The following PRKCA variants were observed in gnomAD, a reference collection of about 807,000 sequenced individuals.
PRKCA encodes protein kinase C alpha type.
A neutral mutation model predicts 87.0 loss-of-function variants in PRKCA; 27 were observed. The ratio of observed to expected loss-of-function variants is 0.31; its 90% CI spans 0.23 to 0.43. The LOEUF (loss-of-function observed/expected upper bound fraction) is 0.43, where lower values mean the gene tolerates loss of function less well. Among genes scored for constraint, PRKCA ranks in the 20% least tolerant of loss-of-function variants. The pLI, the probability that PRKCA is intolerant of heterozygous loss-of-function variation, is 1.00. For synonymous variants in PRKCA, 329 were observed against 311.1 expected, an observed-to-expected ratio of 1.06 and a Z score of -0.61; for missense variants, 518 against 852.3, an observed-to-expected ratio of 0.61 and a Z score of 4.88.
chr17:66,329,188 A>G (rs1202948669), intron 2 of PRKCA, among the ~76,000 whole-genome samples: 1 of 152,160 alleles, frequency 6.6e-6, no homozygotes, highest in Non-Finnish European at 1.5e-5. Context: ...AGGAGGAGAG[A>G]TCAGCTGGAC....
At chr17:66,408,745 G>A (rs570387573) in intron 2 of PRKCA, among the ~76,000 whole-genome samples, 1 of 152,164 alleles carries the variant, frequency 6.6e-6, no homozygotes, top group Non-Finnish European at 1.5e-5. Context: ...GGGAAGTATA[G>A]CACTTTTGAT....
At chr17:66,441,382 G>T (rs1420672978) in intron 2 of PRKCA, among the ~76,000 whole-genome samples, 1 of 151,668 alleles carries the variant, frequency 6.6e-6, no homozygotes, top group Non-Finnish European at 1.5e-5. Flanking sequence ...TAAGCTCACA[G>T]TTCTGGCCAT....
chr17:66,784,745 C>T (rs1260755317), intron 14 of PRKCA, among the ~76,000 whole-genome samples: 1 of 152,192 alleles, frequency 6.6e-6, no homozygotes, highest in Non-Finnish European at 1.5e-5. Context: ...TCACAGCTCT[C>T]CCCCACCACT....
At chr17:66,512,941 C>T (rs938108613) in intron 3 of PRKCA, among the ~76,000 whole-genome samples, 4 of 152,208 alleles carry the variant, frequency 2.6e-5, no homozygotes, top group African/African-American at 9.6e-5. Context: ...GACCTGCCTG[C>T]CTCTGCCTCC....
intron 3 of PRKCA, among the ~76,000 whole-genome samples, chr17:66,621,984 T>C (rs755299498): frequency 4.6e-5 from 7 of 152,108 alleles, no homozygotes; most frequent in Non-Finnish European, 7.3e-5. Flanking sequence ...GGAGGATTGC[T>C]TGAGGCCAGG....
intron 2 of PRKCA, among the ~76,000 whole-genome samples, chr17:66,364,939 A>G (rs1486607219): frequency 2.6e-5 from 4 of 152,184 alleles, no homozygotes; most frequent in Admixed American, 2.6e-4. Context: ...TTCAGAACTG[A>G]AGAAGGTAAA....
intron 13 of PRKCA, among the ~76,000 whole-genome samples, chr17:66,751,462 A>G (rs1347966096): frequency 6.6e-6 from 1 of 152,214 alleles, no homozygotes; most frequent in African/African-American, 2.4e-5. Context: ...TCTCCAAATC[A>G]TATCTGTAGA....
intron 2 of PRKCA, among the ~76,000 whole-genome samples, chr17:66,400,026 C>A (rs1338587085): frequency 3.3e-5 from 5 of 152,166 alleles, no homozygotes; most frequent in Non-Finnish European, 5.9e-5. Flanking sequence ...TGGAGCATTT[C>A]AGATTTCAGA....
intron 2 of PRKCA, among the ~76,000 whole-genome samples, chr17:66,311,026 C>T (rs775039018): frequency 5.9e-5 from 9 of 152,088 alleles, no homozygotes; most frequent in Non-Finnish European, 8.8e-5. Context: ...TCTGGCTGCC[C>T]GCTGGTTTTC....
At chr17:66,449,325 A>T (rs1237198726) in intron 2 of PRKCA, among the ~76,000 whole-genome samples, 2 of 152,134 alleles carry the variant, frequency 1.3e-5, no homozygotes, top group Non-Finnish European at 2.9e-5. Context: ...CAAAAAAAGC[A>T]TGAGCTTTAA....
In PRKCA at chr17:66,587,663, A is replaced by G. The variant is rs1433293617; in HGVS notation, c.289-53692A>G. On this transcript the variant is annotated intron_variant, in intron 3 of 16. Coordinates refer to ENST00000413366, the MANE Select transcript of PRKCA (RefSeq NM_002737.3). ...ATATATAACATATATGTGTGTGTAT[A>G]TATACATATATACGTATATGTGTGT... 5.3e-5 allele frequency among the ~76,000 whole-genome samples: 8 copies of G among 149,700 alleles called. 1 individual carries two copies. Among genetic ancestry groups the G allele is most frequent in the Non-Finnish European group, 7.4e-5 (5 of 67,594 alleles).
chr17:66,742,813 A>T, intron 13 of PRKCA, 53 bp downstream of exon 13: 1 of 1,593,310 alleles, frequency 6.3e-7, no homozygotes, highest in Non-Finnish European at 8.5e-7. Flanking sequence ...CTGTAAACGC[A>T]GCCCTCTCAT....
At chr17:66,735,353 A>T in intron 9 of PRKCA, 136 bp from the exon 10 acceptor site, 1 of 906,390 alleles carries the variant, frequency 1.1e-6, no homozygotes, top group Non-Finnish European at 1.7e-6. Flanking sequence ...TTTGCACATA[A>T]AGTTTAATAT....
At chr17:66,533,327 T>C (rs1967635054) in intron 3 of PRKCA, among the ~76,000 whole-genome samples, 2 of 152,240 alleles carry the variant, frequency 1.3e-5, no homozygotes, top group Admixed American at 1.3e-4. Flanking sequence ...CCATTAATTC[T>C]GATGAGATAG....
In PRKCA at chr17:66,302,821, CG is replaced by C; in HGVS notation, c.-29del. On this transcript the variant is annotated 5_prime_UTR_variant, in exon 1 of 17. Coordinates refer to ENST00000413366, the MANE Select transcript of PRKCA (RefSeq NM_002737.3). ...CCGGCCCTCCGCGGCCGCAGCTCCC[CG>C]GCGGAGGCAAGAGGTGGTTGGGGGG... The C allele has an allele frequency of 6.6e-7, 1 of 1,505,464 alleles. No individual in the cohort carries two copies. The highest frequency in any genetic ancestry group is 1.2e-5 in the South Asian group (1 of 81,554). 93.3% of individuals were successfully genotyped at this position (1,505,464 alleles called of 1,614,324 possible).
chr17:66,757,434 C>G (rs1029964123), intron 13 of PRKCA, among the ~76,000 whole-genome samples: 1 of 151,734 alleles, frequency 6.6e-6, no homozygotes, highest in Non-Finnish European at 1.5e-5. Flanking sequence ...AATGCTCAAA[C>G]AAAACAAAAA....
At chr17:66,387,702 G>A (rs922323771) in intron 2 of PRKCA, among the ~76,000 whole-genome samples, 2 of 152,164 alleles carry the variant, frequency 1.3e-5, no homozygotes, top group Non-Finnish European at 2.9e-5. Context: ...TAAACTGTGG[G>A]GCTCCAACTG....
intron 2 of PRKCA, 87 bp downstream of exon 2, chr17:66,306,214 T>C: frequency 7.2e-7 from 1 of 1,383,590 alleles, no homozygotes; most frequent in Non-Finnish European, 1.0e-6. Context: ...ATATTTTCTT[T>C]CCAATAAAAA....
intron 5 of PRKCA, among the ~76,000 whole-genome samples, chr17:66,672,214 A>G (rs552876590): frequency 3.3e-5 from 5 of 152,370 alleles, no homozygotes; most frequent in Admixed American, 2.0e-4. Context: ...TGCAGCAACT[A>G]TGACAAAAGG....
Sources: gnomAD v4.1 joint callset for allele counts (sites outside exome capture counted in the v4.1 genomes callset) on GRCh38, gnomAD v4.1.1 for gene constraint, MANE v1.5 for transcripts, NCBI Gene and HGNC (gene_info 2026-07-23, HGNC 2026-07-21) for gene names.